The following DYNLRB1 variants were observed in gnomAD, a reference collection of about 807,000 sequenced individuals.
The protein encoded by DYNLRB1 is ROBL/LC7-like 1.
Under a neutral mutation model 13.5 loss-of-function variants are expected in DYNLRB1, and 6 were observed. That is an observed-to-expected ratio of 0.44 (90% CI 0.24 to 0.88). The LOEUF (loss-of-function observed/expected upper bound fraction) is 0.88. Among genes scored for constraint, DYNLRB1 ranks in the 40% least tolerant of loss-of-function variants. DYNLRB1 has a pLI of 0.21. For missense variants in DYNLRB1, 93 were observed against 127.2 expected (o/e 0.73, Z 1.29); for synonymous variants, 43 against 45.0 (o/e 0.96, Z 0.18).
intron 3 of DYNLRB1, chr20:34,535,028 C>G: frequency 7.3e-7 from 1 of 1,366,522 alleles, no homozygotes. Context: ...TAGACAGACA[C>G]GTGAGCATCA....
chr20:34,516,926 G>C, intron 1 of DYNLRB1: 1 of 1,373,364 alleles, frequency 7.3e-7, no homozygotes, highest in South Asian at 1.8e-5. Context: ...GTTATTCAGC[G>C]CCCCGAGAAG....
At chr20:34,535,702 G>C (rs140894840) in intron 3 of DYNLRB1, 1 of 985,252 alleles carries the variant, frequency 1.0e-6, no homozygotes, top group Non-Finnish European at 1.2e-6. Context: ...CTGCAGTGCC[G>C]CTTATCTAGG....
intron 3 of DYNLRB1, chr20:34,535,675 G>A (rs146438782): frequency 4.1e-6 from 4 of 985,248 alleles, no homozygotes; most frequent in Admixed American, 6.2e-5. Flanking sequence ...ACGTATGCGC[G>A]TGATGGTGCA....
At chr20:34,526,788 TAAAC>T (rs771302243) in intron 2 of DYNLRB1, among the ~76,000 whole-genome samples, 18 of 152,246 alleles carry the variant, frequency 1.2e-4, no homozygotes, top group African/African-American at 4.3e-4. Flanking sequence ...ATGGTTTACA[TAAAC>T]AAATTAAGTG....
intron 3 of DYNLRB1, among the ~76,000 whole-genome samples, chr20:34,537,517 G>T (rs1194380925): frequency 6.6e-6 from 1 of 152,164 alleles, no homozygotes; most frequent in Non-Finnish European, 1.5e-5. Context: ...GTCAGCAGTG[G>T]GGACGGGGTC....
intron 1 of DYNLRB1, among the ~76,000 whole-genome samples, chr20:34,523,025 C>A (rs750043343): frequency 1.3e-5 from 2 of 152,252 alleles, no homozygotes; most frequent in Non-Finnish European, 2.9e-5. Flanking sequence ...GGGTGCCTTG[C>A]GTCTGGAGGA....
chr20:34,536,936 C>T (rs919234979), intron 3 of DYNLRB1, among the ~76,000 whole-genome samples: 3 of 152,072 alleles, frequency 2.0e-5, no homozygotes, highest in Non-Finnish European at 4.4e-5. Flanking sequence ...GAGAATGTCT[C>T]CTCTGGAAGG....
At position 34,528,088 on chromosome 20, in the gene DYNLRB1, G is replaced by A. The variant is rs1333130597; in HGVS notation, c.79+1745G>A. ...AGCACTTTGGGAGGCCGAGGCGGGC[G>A]GATCACGAGGTCAGGAGATCGAGAC... On this transcript the variant is annotated intron_variant, in intron 2 of 3. Transcript: ENST00000357156. Among the ~76,000 whole-genome samples the A allele has an allele frequency of 7.3e-5, 3 of 41,038 alleles. 1 individual carries two copies. Among genetic ancestry groups the A allele is most frequent in the Admixed American group, 3.3e-4 (2 of 6,126 alleles). The allele number at this position is 41,038 out of a possible 152,430, so 26.9% of individuals were successfully genotyped here. A position where few individuals can be genotyped will look rare whatever the true frequency, so the allele number is the denominator to read the frequency against.
At chr20:34,529,935 G>A (rs1980578142) in intron 2 of DYNLRB1, 6 of 1,455,836 alleles carry the variant, frequency 4.1e-6, no homozygotes, top group Non-Finnish European at 5.4e-6. Flanking sequence ...GTGGCCTGAG[G>A]CAACTCCTTT....
chr20:34,526,448 AT>A, intron 2 of DYNLRB1, 105 bp downstream of exon 2: 1 of 925,428 alleles, frequency 1.1e-6, no homozygotes, highest in Non-Finnish European at 1.5e-6. Context: ...ATCTGATCTA[AT>A]TTTAGGCCTT....
At chr20:34,526,787 A>G (rs1980259067) in intron 2 of DYNLRB1, among the ~76,000 whole-genome samples, 1 of 152,252 alleles carries the variant, frequency 6.6e-6, no homozygotes, top group Admixed American at 6.5e-5. Flanking sequence ...CATGGTTTAC[A>G]TAAACAAATT....
chr20:34,526,237 C>G (rs201001510), intron 1 of DYNLRB1, 31 bp from the exon 2 acceptor site: 2 of 1,612,824 alleles, frequency 1.2e-6, no homozygotes, highest in Non-Finnish European at 1.7e-6. Flanking sequence ...GCCTATCGGC[C>G]TCTCCTAACC....
intron 2 of DYNLRB1, among the ~76,000 whole-genome samples, chr20:34,532,100 G>A (rs1478035095): frequency 2.0e-5 from 3 of 152,206 alleles, no homozygotes; most frequent in Non-Finnish European, 4.4e-5. Flanking sequence ...CCTGGCCCTC[G>A]GTGGGTGGGC....
intron 2 of DYNLRB1, among the ~76,000 whole-genome samples, chr20:34,528,030 C>CACTGAGACACTGCTGCT (rs1600546048): frequency 6.5e-4 from 75 of 115,120 alleles, no homozygotes; most frequent in East Asian, 1.2e-3. Context: ...CTGGAGTAGC[C>CACTGAGACACTGCTGCT]GGCCGGGCGC....
At chr20:34,531,836 A>C (rs1006533708) in intron 2 of DYNLRB1, among the ~76,000 whole-genome samples, 3 of 152,206 alleles carry the variant, frequency 2.0e-5, no homozygotes, top group African/African-American at 7.2e-5. Context: ...TGTCACCCGA[A>C]GATGGAGACC....
At chr20:34,530,403 T>C in intron 2 of DYNLRB1, 1 of 562,864 alleles carries the variant, frequency 1.8e-6, no homozygotes, top group Non-Finnish European at 2.3e-6. Flanking sequence ...TTGTAAAATG[T>C]GGGTCATAAT....
At chr20:34,532,553 C>T (rs1350582629) in intron 2 of DYNLRB1, among the ~76,000 whole-genome samples, 2 of 152,150 alleles carry the variant, frequency 1.3e-5, no homozygotes, top group Non-Finnish European at 2.9e-5. Context: ...GTGGCTCCTA[C>T]CCCATCGCCG....
chr20:34,526,558 T>C, intron 2 of DYNLRB1: 1 of 516,658 alleles, frequency 1.9e-6, no homozygotes, highest in Non-Finnish European at 3.3e-6. Flanking sequence ...GACAAAGAAA[T>C]CGGTAACTGG....
upstream of DYNLRB1, among the ~76,000 whole-genome samples, chr20:34,516,096 T>C (rs527531619): frequency 1.3e-5 from 2 of 152,326 alleles, no homozygotes; most frequent in East Asian, 3.9e-4. Context: ...GGTCTCTCCA[T>C]GTTGCCCAGG....
Sources: allele counts gnomAD v4.1 joint callset (sites outside exome capture counted in the v4.1 genomes callset), GRCh38; gene constraint gnomAD v4.1.1; transcripts MANE v1.5; gene names NCBI Gene and HGNC (gene_info 2026-07-23, HGNC 2026-07-21).